Variants in TMEM132D observed in about 807,000 individuals in gnomAD.
TMEM132D encodes the protein transmembrane protein 132D, also known as mature OL transmembrane protein.
TMEM132D carries 21 observed loss-of-function variants against 62.3 expected under a neutral mutation model. The ratio of observed to expected loss-of-function variants is 0.34; its 90% CI spans 0.24 to 0.49. TMEM132D has a LOEUF of 0.49. Among genes scored for constraint, TMEM132D ranks in the 20% least tolerant of loss-of-function variants. The probability of loss-of-function intolerance (pLI) is 0.99; values close to 1 mark genes in which losing one functional copy is unlikely to be tolerated. For missense variants in TMEM132D, 1,346 were observed against 1,402.8 expected (o/e 0.96, Z 0.65); for synonymous variants, 621 against 575.6 (o/e 1.08, Z -1.13).
At chr12:129,208,288 G>A (rs1878917421) in intron 5 of TMEM132D, among the ~76,000 whole-genome samples, 1 of 152,196 alleles carries the variant, frequency 6.6e-6, no homozygotes, top group Non-Finnish European at 1.5e-5. Context: ...GCAGAGAGGG[G>A]AGAAATGTAA....
chr12:129,130,303 T>A (rs1034909127), intron 5 of TMEM132D, among the ~76,000 whole-genome samples: 3 of 145,804 alleles, frequency 2.1e-5, no homozygotes, highest in African/African-American at 7.7e-5. Context: ...AGGTTCAGCC[T>A]CCTCATCCCA....
At chr12:129,562,511 C>T (rs1018931236) in intron 2 of TMEM132D, among the ~76,000 whole-genome samples, 7 of 152,176 alleles carry the variant, frequency 4.6e-5, no homozygotes, top group Admixed American at 2.6e-4. Context: ...TCTGGAACCT[C>T]ATAGAAGGGT....
At chr12:129,668,671 G>A (rs1880434573) in intron 2 of TMEM132D, among the ~76,000 whole-genome samples, 1 of 152,156 alleles carries the variant, frequency 6.6e-6, no homozygotes, top group Admixed American at 6.5e-5. Flanking sequence ...AAGCATATTT[G>A]TTCCTCTCTA....
chr12:129,302,681 T>C (rs926757414), intron 4 of TMEM132D, among the ~76,000 whole-genome samples: 1 of 152,198 alleles, frequency 6.6e-6, no homozygotes, highest in African/African-American at 2.4e-5. Context: ...ATTTTTCTCA[T>C]AATCATGGCA....
chr12:129,095,346 G>GTTT (rs34044401), intron 5 of TMEM132D, among the ~76,000 whole-genome samples: 8,170 of 105,248 alleles, frequency 0.078, 828 homozygotes, highest in East Asian at 0.36. Context: ...ATGCCTGCTG[G>GTTT]TTTTTTTTTT....
chr12:129,467,463 A>G (rs2137044645), intron 3 of TMEM132D, among the ~76,000 whole-genome samples: 1 of 152,284 alleles, frequency 6.6e-6, no homozygotes, highest in East Asian at 1.9e-4. Context: ...TGCTTGAGTC[A>G]CATGACCATC....
At chr12:129,246,024 T>C (rs1048595715) in intron 4 of TMEM132D, among the ~76,000 whole-genome samples, 1 of 152,006 alleles carries the variant, frequency 6.6e-6, no homozygotes, top group African/African-American at 2.4e-5. Flanking sequence ...AGTTGCGTGG[T>C]TTGTCATGTT....
At chr12:129,579,403 C>T (rs1877777629) in intron 2 of TMEM132D, among the ~76,000 whole-genome samples, 1 of 152,124 alleles carries the variant, frequency 6.6e-6, no homozygotes, top group Non-Finnish European at 1.5e-5. Context: ...TACACAACCA[C>T]AAGGTGAAGT....
At chr12:129,493,470 T>C (rs548602024) in intron 3 of TMEM132D, among the ~76,000 whole-genome samples, 2 of 152,366 alleles carry the variant, frequency 1.3e-5, no homozygotes, top group African/African-American at 2.4e-5. Context: ...CATTTCCTAA[T>C]TGTCTTCTTC....
At chr12:129,860,273 G>A (rs578046090) in intron 1 of TMEM132D, among the ~76,000 whole-genome samples, 3 of 152,262 alleles carry the variant, frequency 2.0e-5, no homozygotes, top group South Asian at 4.1e-4. Flanking sequence ...TAGAACATTC[G>A]ACAAGTCCAC....
intron 1 of TMEM132D, among the ~76,000 whole-genome samples, chr12:129,861,757 G>GAA (rs11405892): frequency 0.22 from 28,844 of 132,670 alleles, 3,511 homozygotes; most frequent in Middle Eastern, 0.29. Context: ...CTGTCTCAAA[G>GAA]AAAAAAAAAA....
intron 3 of TMEM132D, among the ~76,000 whole-genome samples, chr12:129,346,294 T>C (rs2135665168): frequency 6.6e-6 from 1 of 152,298 alleles, no homozygotes; most frequent in Non-Finnish European, 1.5e-5. Flanking sequence ...ATCCCCTTTA[T>C]CATTTCTTAT....
rs79605535 is a variant in TMEM132D at position 129,610,322 on chromosome 12, T to C, written c.969-79117A>G. ...GAGACAGAGAGAGAGGGAAAAGCAGTACATTATTGAATTGATTGAATTGAC... is the reference window on the plus strand; with the variant it reads ...GAGACAGAGAGAGAGGGAAAAGCAGCACATTATTGAATTGATTGAATTGAC... On this transcript the variant is annotated intron_variant, in intron 2 of 8. Coordinates refer to ENST00000422113, the MANE Select transcript of TMEM132D (RefSeq NM_133448.3). 6.8e-3 allele frequency among the ~76,000 whole-genome samples: 1,026 copies of C among 150,968 alleles called. 11 individuals are homozygous for C. The highest frequency in any genetic ancestry group is 0.024 in the African/African-American group (982 of 41,104).
intron 2 of TMEM132D, among the ~76,000 whole-genome samples, chr12:129,588,385 C>T (rs966470753): frequency 5.9e-5 from 9 of 152,022 alleles, no homozygotes; most frequent in South Asian, 2.1e-4. Context: ...CTGAATCACT[C>T]GTCAATACAT....
intron 3 of TMEM132D, among the ~76,000 whole-genome samples, chr12:129,355,587 C>T (rs1451103630): frequency 6.6e-6 from 1 of 152,070 alleles, no homozygotes; most frequent in Admixed American, 6.6e-5. Context: ...AGATGTTCTT[C>T]CAACAATTCA....
chr12:129,271,319 T>C (rs1264437114), intron 4 of TMEM132D, among the ~76,000 whole-genome samples: 4 of 151,836 alleles, frequency 2.6e-5, no homozygotes, highest in Non-Finnish European at 5.9e-5. Context: ...AACCCTTTCC[T>C]GTGATTCTCT....
rs909283708 is a variant in TMEM132D at position 129,209,542 on chromosome 12, G to A, written c.1421C>T (p.Ser474Leu). 1 of 1,608,862 alleles carries A rather than the reference G, an allele frequency of 6.2e-7. No homozygotes were observed. The highest frequency in any genetic ancestry group is 8.5e-7 in the Non-Finnish European group (1 of 1,178,168). Residue 474 changes from serine (S) to leucine (L), a missense_variant, in exon 5 of 9, where the codon TCG becomes TTG. Transcript: ENST00000422113. ...TELLESVECR[S>L]SDEDVIKVSD... ...TGCCTTAATCACGTCTTCATCAGAC[G>A]ATCTACACTCCACAGACTCCAGCAG...
At chr12:129,143,926 C>T (rs575414833) in intron 5 of TMEM132D, among the ~76,000 whole-genome samples, 16 of 152,150 alleles carry the variant, frequency 1.1e-4, no homozygotes, top group African/African-American at 3.6e-4. Context: ...CACAATGACC[C>T]TGCTCACTCT....
At position 129,356,368 on chromosome 12, in the gene TMEM132D, G is replaced by A. The variant is rs1462073193; in HGVS notation, c.1116-18551C>T. 3.1e-5 allele frequency among the ~76,000 whole-genome samples: 3 copies of A among 97,716 alleles called. 1 individual carries two copies. Among genetic ancestry groups the A allele is most frequent in the African/African-American group, 1.3e-4 (3 of 23,352 alleles). The allele number at this position is 97,716 out of a possible 152,430, so 64.1% of individuals were successfully genotyped here. A position where few individuals can be genotyped will look rare whatever the true frequency, so the allele number is the denominator to read the frequency against. ...GAGACGGGGTTTCACCGTTTTAGCC[G>A]GGATGGTCTCGATCTCTTGACCTCG... On this transcript the variant is annotated intron_variant, in intron 3 of 8. Transcript: ENST00000422113.
Sources: allele counts gnomAD v4.1 joint callset (sites outside exome capture counted in the v4.1 genomes callset), GRCh38; gene constraint gnomAD v4.1.1; transcripts MANE v1.5; gene names NCBI Gene and HGNC (gene_info 2026-07-23, HGNC 2026-07-21).